The following LRRTM4 variants were observed in gnomAD, a reference collection of about 807,000 sequenced individuals.
LRRTM4 encodes the protein leucine-rich repeat transmembrane neuronal protein 4.
A neutral mutation model predicts 47.6 loss-of-function variants in LRRTM4; 25 were observed. The observed-to-expected ratio is 0.53, with a 90% CI of 0.38 to 0.73. The LOEUF is 0.73. LRRTM4 is among the 30% of genes least tolerant of loss of function. The probability of loss-of-function intolerance (pLI) is 0.00; values close to 1 mark genes in which losing one functional copy is unlikely to be tolerated. For missense variants in LRRTM4, 638 were observed against 713.4 expected (o/e 0.89, Z 1.20); for synonymous variants, 311 against 269.5 (o/e 1.15, Z -1.51).
At chr2:76,932,031 T>C (rs1674786080) in intron 3 of LRRTM4, among the ~76,000 whole-genome samples, 1 of 152,168 alleles carries the variant, frequency 6.6e-6, no homozygotes, top group African/African-American at 2.4e-5. Context: ...TGAGAATTGA[T>C]GACTTCGATC....
At chr2:77,497,386 T>C (rs1678403985) in intron 3 of LRRTM4, among the ~76,000 whole-genome samples, 1 of 151,570 alleles carries the variant, frequency 6.6e-6, no homozygotes, top group Non-Finnish European at 1.5e-5. Context: ...AGATAGAAGC[T>C]AAGGTCATGG....
intron 3 of LRRTM4, among the ~76,000 whole-genome samples, chr2:76,925,302 A>G (rs907959495): frequency 1.3e-5 from 2 of 152,100 alleles, no homozygotes; most frequent in South Asian, 4.1e-4. Flanking sequence ...CCAGCAGATG[A>G]CAGCCTCAAT....
chr2:76,934,261 T>C (rs1266557028), intron 3 of LRRTM4, among the ~76,000 whole-genome samples: 1 of 152,168 alleles, frequency 6.6e-6, no homozygotes, highest in Non-Finnish European at 1.5e-5. Flanking sequence ...CTTACACACA[T>C]ATGTATAACT....
chr2:76,759,631 A>G (rs924667147), intron 3 of LRRTM4, among the ~76,000 whole-genome samples: 4 of 151,450 alleles, frequency 2.6e-5, no homozygotes, highest in Admixed American at 1.3e-4. Context: ...GCTATTGTAT[A>G]TGTGTGTGTG....
chr2:76,979,721 GATAGAT>G (rs1676541300), intron 3 of LRRTM4, among the ~76,000 whole-genome samples: 4 of 150,792 alleles, frequency 2.7e-5, no homozygotes, highest in African/African-American at 9.8e-5. Context: ...TAGATAGATA[GATAGAT>G]GCATACATAC....
intron 3 of LRRTM4, among the ~76,000 whole-genome samples, chr2:77,071,008 A>C (rs1303929982): frequency 2.6e-5 from 4 of 152,222 alleles, no homozygotes; most frequent in African/African-American, 9.6e-5. Context: ...CCTTGGGATT[A>C]CTACCTGTGC....
rs188246758 is a variant in LRRTM4, at chr2:77,203,401, C to T, written c.1551+314917G>A. Among the ~76,000 whole-genome samples, 18 of 152,132 alleles carry T rather than the reference C, an allele frequency of 1.2e-4. No individual in the cohort carries two copies. The East Asian group carries it at 3.3e-3, about 28-fold the overall frequency. ...AAGAACTGGGTCACATGGTCACTTT[C>T]GGAAGAGCAGCACATACAACTTGAC... On this transcript the variant is annotated intron_variant, in intron 3 of 3. Transcript: ENST00000409884.
chr2:77,015,844 G>A (rs1678046914), intron 3 of LRRTM4, among the ~76,000 whole-genome samples: 1 of 152,062 alleles, frequency 6.6e-6, no homozygotes, highest in South Asian at 2.1e-4. Context: ...ACAGCCAGGT[G>A]CAGTGGCTCA....
chr2:76,755,139 A>G (rs1398543944), intron 3 of LRRTM4, among the ~76,000 whole-genome samples: 3 of 152,172 alleles, frequency 2.0e-5, no homozygotes, highest in Non-Finnish European at 4.4e-5. Flanking sequence ...ATACATGAAA[A>G]GATCTTGATT....
intron 3 of LRRTM4, among the ~76,000 whole-genome samples, chr2:77,232,589 G>T (rs778100554): frequency 6.6e-6 from 1 of 152,090 alleles, no homozygotes; most frequent in East Asian, 1.9e-4. Context: ...ACTTTAATCC[G>T]AACTTCTTTG....
chr2:76,801,106 G>T (rs754703547), intron 3 of LRRTM4, among the ~76,000 whole-genome samples: 1 of 151,880 alleles, frequency 6.6e-6, no homozygotes, highest in Non-Finnish European at 1.5e-5. Flanking sequence ...TCGGTGTGGC[G>T]ATTCCTCAGG....
intron 3 of LRRTM4, among the ~76,000 whole-genome samples, chr2:77,416,988 T>C (rs1171708009): frequency 1.3e-5 from 2 of 152,238 alleles, no homozygotes; most frequent in South Asian, 2.1e-4. Context: ...TTTTGCATTC[T>C]ACTCATCTGA....
intron 3 of LRRTM4, among the ~76,000 whole-genome samples, chr2:76,960,876 T>TA (rs1332663393): frequency 6.6e-6 from 1 of 151,506 alleles, no homozygotes; most frequent in Non-Finnish European, 1.5e-5. Flanking sequence ...TGGCACATTT[T>TA]AAAAAATAAA....
At chr2:76,862,757 A>T (rs1340201868) in intron 3 of LRRTM4, among the ~76,000 whole-genome samples, 1 of 152,208 alleles carries the variant, frequency 6.6e-6, no homozygotes, top group Non-Finnish European at 1.5e-5. Context: ...ACATTTGAAC[A>T]ATCTAAGAGC....
chr2:77,332,818 T>C (rs1385202006), intron 3 of LRRTM4, among the ~76,000 whole-genome samples: 1 of 152,150 alleles, frequency 6.6e-6, no homozygotes, highest in East Asian at 1.9e-4. Context: ...GTCACAATTG[T>C]AGGTATTCAC....
intron 3 of LRRTM4, among the ~76,000 whole-genome samples, chr2:76,932,442 A>T (rs1457595945): frequency 6.6e-6 from 1 of 152,054 alleles, no homozygotes; most frequent in African/African-American, 2.4e-5. Context: ...GCATTCCCCT[A>T]TCTTCATCAC....
At position 77,449,607 on chromosome 2, in the gene LRRTM4, T is replaced by A. The variant is rs138513298; in HGVS notation, c.1551+68711A>T. Among the ~76,000 whole-genome samples, 381 of 152,288 alleles carry A rather than the reference T, an allele frequency of 2.5e-3. 4 individuals carry two copies. The highest frequency in any genetic ancestry group is 8.5e-3 in the East Asian group (44 of 5,180). On this transcript the variant is annotated intron_variant, in intron 3 of 3. Transcript: ENST00000409884. Reference sequence around the variant, plus strand: ...ATCATGTGACCTACACTCTGCCAGTTTGAAGCACCCTCCACCAGCCTTAAA... The same window carrying A: ...ATCATGTGACCTACACTCTGCCAGTATGAAGCACCCTCCACCAGCCTTAAA...
At position 77,518,746 on chromosome 2, in the gene LRRTM4, G is replaced by A. The variant is rs1390578986; in HGVS notation, c.1123C>T (p.Pro375Ser). The stretch of plus-strand genomic sequence containing the variant: ...ATCAGAGGTTTCTGGGGAGTTTGGG[G>A]CACCAGGTGTGATCTTTCTGTGTTG... ...VVNTERSHLV[P>S]QTPQKPLIIP... Residue 375 changes from proline (P) to serine (S), a missense_variant, in exon 3 of 4, where the codon CCC (proline) becomes TCC (serine). Coordinates refer to ENST00000409884, the MANE Select transcript of LRRTM4 (RefSeq NM_001134745.3). The A allele has an allele frequency of 6.2e-7, 1 of 1,613,414 alleles. No individual in the cohort carries two copies. The highest frequency in any genetic ancestry group is 2.2e-5 in the East Asian group (1 of 44,842).
chr2:76,796,314 C>T (rs1343115508), intron 3 of LRRTM4, among the ~76,000 whole-genome samples: 1 of 119,712 alleles, frequency 8.4e-6, no homozygotes, highest in Non-Finnish European at 1.7e-5. Flanking sequence ...TGGAGCCCAC[C>T]ACAGCTCAAG....
Sources: allele counts gnomAD v4.1 joint callset (sites outside exome capture counted in the v4.1 genomes callset), GRCh38; gene constraint gnomAD v4.1.1; transcripts MANE v1.5; gene names NCBI Gene and HGNC (gene_info 2026-07-23, HGNC 2026-07-21).